SPATA13: variants seen among roughly 807,000 people sequenced by gnomAD.
The protein encoded by SPATA13 is spermatogenesis associated 13, also known as spermatogenesis-associated protein 13.
A neutral mutation model predicts 104.0 loss-of-function variants in SPATA13; 50 were observed. The ratio of observed to expected loss-of-function variants is 0.48; its 90% CI spans 0.38 to 0.61. SPATA13 has a LOEUF of 0.61. SPATA13 is among the 20% of genes least tolerant of loss of function. The pLI, the probability that SPATA13 is intolerant of heterozygous loss-of-function variation, is 0.00. For synonymous variants in SPATA13, 606 were observed against 667.5 expected (o/e 0.91, Z 1.42); for missense variants, 1,524 against 1,690.6 (o/e 0.90, Z 1.73).
chr13:24,303,025 C>A lies in SPATA13; in HGVS notation c.*252C>A. ...ACACCCGTGACCCACTATGAGATGG[C>A]CCAGATGTGGGACCCGGTACCATGC... is the stretch of plus-strand genomic sequence containing the variant. On this transcript the variant is annotated 3_prime_UTR_variant, in exon 13 of 13. Transcript: ENST00000382108. 1 of 533,996 alleles carries A rather than the reference C, an allele frequency of 1.9e-6. No homozygotes were observed. Among genetic ancestry groups the A allele is most frequent in the Non-Finnish European group, 3.4e-6 (1 of 295,632 alleles). The allele number at this position is 533,996 out of a possible 1,614,324, so 33.1% of individuals were successfully genotyped here.
At chr13:24,037,535 G>A (rs1593292278) in intron 3 of SPATA13, among the ~76,000 whole-genome samples, 2 of 103,932 alleles carry the variant, frequency 1.9e-5, no homozygotes, top group South Asian at 9.5e-4. Flanking sequence ...AGCCTCCTGA[G>A]TAGCTGGGAC....
exon 3 of SPATA13, chr13:24,017,674 C>T (rs1161214919): frequency 2.0e-5 from 20 of 985,260 alleles, no homozygotes; most frequent in Admixed American, 6.2e-5. Context: ...CAGAGCTTGT[C>T]TTCAAGAGTA....
At chr13:24,271,238 C>T (rs1874588284) in intron 4 of SPATA13, among the ~76,000 whole-genome samples, 2 of 152,046 alleles carry the variant, frequency 1.3e-5, no homozygotes, top group South Asian at 2.1e-4. Flanking sequence ...CCTGAACCAT[C>T]CTTCCTGAGG....
At chr13:24,164,990 G>T (rs1432663831) in intron 1 of SPATA13, among the ~76,000 whole-genome samples, 1 of 152,172 alleles carries the variant, frequency 6.6e-6, no homozygotes, top group Non-Finnish European at 1.5e-5. Flanking sequence ...CAGAATGCAA[G>T]GAGAATGGCG....
intron 1 of SPATA13, among the ~76,000 whole-genome samples, chr13:24,201,877 C>G (rs1369988146): frequency 2.0e-5 from 3 of 152,172 alleles, no homozygotes; most frequent in Admixed American, 1.3e-4. Flanking sequence ...CCCCACCCAG[C>G]CTTTGGCAAC....
chr13:24,041,863 C>T (rs2137729551), intron 3 of SPATA13, among the ~76,000 whole-genome samples: 1 of 152,252 alleles, frequency 6.6e-6, no homozygotes, highest in African/African-American at 2.4e-5. Context: ...ACTTGGCCAC[C>T]AATGGAAGCT....
chr13:24,037,957 G>C (rs907277412), intron 3 of SPATA13, among the ~76,000 whole-genome samples: 18 of 151,874 alleles, frequency 1.2e-4, no homozygotes, highest in African/African-American at 4.1e-4. Flanking sequence ...TGTCACCCAG[G>C]CTGCATTGCA....
At position 24,251,705 on chromosome 13, in the gene SPATA13, T is replaced by C; in HGVS notation, c.2020-13T>C. ...CCTGGTACCTCCTCACAGATTTTGCTTTCTTTTTGCAGCCGGCTTCCAGGC... is the reference window on the plus strand; with the variant it reads ...CCTGGTACCTCCTCACAGATTTTGCCTTCTTTTTGCAGCCGGCTTCCAGGC... On this transcript the variant is annotated splice_polypyrimidine_tract_variant and intron_variant, in intron 3 of 12. Coordinates refer to ENST00000382108, the MANE Select transcript of SPATA13 (RefSeq NM_001166271.3). 6.2e-7 allele frequency: 1 copy of C among 1,613,264 alleles called. No individual in the cohort carries two copies. Among genetic ancestry groups the C allele is most frequent in the South Asian group, 1.1e-5 (1 of 91,022 alleles).
chr13:24,201,237 T>C (rs961564216), intron 1 of SPATA13, among the ~76,000 whole-genome samples: 39 of 152,204 alleles, frequency 2.6e-4, no homozygotes, highest in Non-Finnish European at 5.6e-4. Context: ...CTTGTTGGCC[T>C]GACTGTGCCA....
chr13:24,134,607 G>T (rs888745569), intron 3 of SPATA13, among the ~76,000 whole-genome samples: 1 of 152,130 alleles, frequency 6.6e-6, no homozygotes, highest in African/African-American at 2.4e-5. Flanking sequence ...CATCAGTAGA[G>T]ACCCTGGATA....
chr13:24,213,407 C>T (rs893297509), intron 1 of SPATA13, among the ~76,000 whole-genome samples: 1 of 152,184 alleles, frequency 6.6e-6, no homozygotes, highest in Non-Finnish European at 1.5e-5. Context: ...GCTGGGACTA[C>T]AGGTGTGGGC....
At chr13:24,299,678 G>A (rs889311800) in intron 11 of SPATA13, among the ~76,000 whole-genome samples, 2 of 152,186 alleles carry the variant, frequency 1.3e-5, no homozygotes, top group Non-Finnish European at 2.9e-5. Flanking sequence ...GCCTGGGTCA[G>A]CTCTGCCAAG....
intron 3 of SPATA13, among the ~76,000 whole-genome samples, chr13:24,094,598 G>T (rs1880011792): frequency 6.6e-6 from 1 of 152,070 alleles, no homozygotes; most frequent in Non-Finnish European, 1.5e-5. Flanking sequence ...AAATTTAAAA[G>T]CCTAATTGAA....
chr13:24,179,052 T>G (rs938297683), intron 1 of SPATA13, among the ~76,000 whole-genome samples: 3 of 152,204 alleles, frequency 2.0e-5, no homozygotes, highest in Non-Finnish European at 4.4e-5. Context: ...TAGGTCTGGC[T>G]TCTTTCACAG....
chr13:24,224,402 C>T lies in SPATA13; in HGVS notation c.1473C>T (p.His491=). ...GAAGTGCCAGCTGTCACAGCAATCA[C>T]AGTGCCCTGTCCGCGAATTCAGAGG... is the stretch of plus-strand genomic sequence containing the variant. ...GAGSASCHSN[H]SALSANSEES... The change falls in exon 2 of 13, where the codon CAC becomes CAT. Residue 491 remains histidine (H), a synonymous_variant. Transcript: ENST00000382108. 6.4e-7 allele frequency: 1 copy of T among 1,551,734 alleles called. No individual in the cohort carries two copies. Among genetic ancestry groups the T allele is most frequent in the Non-Finnish European group, 8.7e-7 (1 of 1,147,006 alleles).
At chr13:24,222,239 C>A (rs192794491) in intron 1 of SPATA13, among the ~76,000 whole-genome samples, 7 of 152,316 alleles carry the variant, frequency 4.6e-5, no homozygotes, top group African/African-American at 1.7e-4. Context: ...GAGTCCTTCC[C>A]GCCTGTGTCT....
intron 3 of SPATA13, among the ~76,000 whole-genome samples, chr13:24,032,479 C>T (rs1241977359): frequency 6.6e-6 from 1 of 152,192 alleles, no homozygotes; most frequent in Non-Finnish European, 1.5e-5. Context: ...TTGTTGGAAT[C>T]AGTTCAGCTC....
rs533620210 is a variant in SPATA13 at position 24,240,317 on chromosome 13, C to T, written c.1654-9160C>T. On this transcript the variant is annotated intron_variant, in intron 2 of 12. Transcript: ENST00000382108. Reference sequence around the variant, plus strand: ...GTTTTCTCTACCTGGATGTCAATCTCAGTGTCGTGTTACTATTGATTTTGA... The same window carrying T: ...GTTTTCTCTACCTGGATGTCAATCTTAGTGTCGTGTTACTATTGATTTTGA... Among the ~76,000 whole-genome samples the T allele has an allele frequency of 8.5e-5, 13 of 152,150 alleles. No homozygotes were observed. In the South Asian group the frequency reaches 2.7e-3, roughly 32 times the overall value.
intron 1 of SPATA13, among the ~76,000 whole-genome samples, chr13:24,167,635 T>G (rs1370795377): frequency 6.6e-6 from 1 of 152,170 alleles, no homozygotes; most frequent in African/African-American, 2.4e-5. Flanking sequence ...ATTTTGTACC[T>G]TCTCCAACCA....
Sources: allele counts gnomAD v4.1 joint callset (sites outside exome capture counted in the v4.1 genomes callset), GRCh38; gene constraint gnomAD v4.1.1; transcripts MANE v1.5; gene names NCBI Gene and HGNC (gene_info 2026-07-23, HGNC 2026-07-21).